Variants in GABRG3 observed in about 807,000 individuals in gnomAD.
The protein encoded by GABRG3 is gamma-aminobutyric acid receptor subunit gamma-3.
Under a neutral mutation model 48.8 loss-of-function variants are expected in GABRG3, and 25 were observed. That is an observed-to-expected ratio of 0.51 (90% CI 0.37 to 0.72). The LOEUF (loss-of-function observed/expected upper bound fraction) is 0.72. GABRG3 is among the 30% of genes least tolerant of loss of function. The pLI is 0.00. For missense variants in GABRG3, 394 were observed against 577.9 expected, an observed-to-expected ratio of 0.68 and a Z score of 3.26; for synonymous variants, 227 against 217.6, an observed-to-expected ratio of 1.04 and a Z score of -0.38.
Position 27,030,621 on chromosome 15 carries a change from C to T in GABRG3, c.270+3800C>T, listed in dbSNP as rs530193908. Among the ~76,000 whole-genome samples, 3 of 152,240 alleles carry T rather than the reference C, an allele frequency of 2.0e-5. No homozygotes were observed. In the South Asian group the frequency reaches 6.2e-4, roughly 32 times the overall value. ...ACCAGGAAAGCTGCATGCAAGGGGG[C>T]TTGTGAGTTTATTTTTGAGAATATC... is the stretch of plus-strand genomic sequence containing the variant. On this transcript the variant is annotated intron_variant, in intron 3 of 9. Transcript: ENST00000615808.
rs149435292 is a variant in GABRG3 at position 27,033,047 on chromosome 15, A to C, written c.270+6226A>C. On this transcript the variant is annotated intron_variant, in intron 3 of 9. Transcript: ENST00000615808. ...TGTTTTTTAACCTCTTATGTTGTAC[A>C]ACTTAGTCAGTAAATGTGTCGAGGA... Among the ~76,000 whole-genome samples the C allele has an allele frequency of 5.4e-3, 828 of 152,316 alleles. 5 individuals carry two copies. The highest frequency in any genetic ancestry group is 0.019 in the African/African-American group (794 of 41,568).
intron 2 of GABRG3, among the ~76,000 whole-genome samples, chr15:26,978,196 G>C (rs1162558933): frequency 6.6e-6 from 1 of 151,888 alleles, no homozygotes; most frequent in Non-Finnish European, 1.5e-5. Context: ...GGATTATTTG[G>C]TCTTATTTTA....
intron 3 of GABRG3, among the ~76,000 whole-genome samples, chr15:27,106,986 C>G (rs956660710): frequency 1.3e-5 from 2 of 152,024 alleles, no homozygotes; most frequent in Non-Finnish European, 2.9e-5. Context: ...CATACAGTCT[C>G]TTCAATTTTA....
intron 3 of GABRG3, among the ~76,000 whole-genome samples, chr15:27,037,531 G>A (rs1431720039): frequency 6.6e-6 from 1 of 152,174 alleles, no homozygotes; most frequent in Non-Finnish European, 1.5e-5. Context: ...GTGCTTATCT[G>A]GGAGGGAGAG....
At chr15:27,427,281 T>A (rs1292509458) in intron 5 of GABRG3, among the ~76,000 whole-genome samples, 1 of 152,166 alleles carries the variant, frequency 6.6e-6, no homozygotes, top group African/African-American at 2.4e-5. Context: ...TCTTAAAAAA[T>A]TTGAGGTATA....
intron 2 of GABRG3, among the ~76,000 whole-genome samples, chr15:26,990,768 T>G (rs1895232139): frequency 6.6e-6 from 1 of 152,034 alleles, no homozygotes; most frequent in Non-Finnish European, 1.5e-5. Context: ...GTTCCATATT[T>G]TAAGGTCTCG....
At chr15:26,980,908 A>T (rs1895042521) in intron 2 of GABRG3, among the ~76,000 whole-genome samples, 1 of 152,062 alleles carries the variant, frequency 6.6e-6, no homozygotes, top group South Asian at 2.1e-4. Context: ...AACAGCAGAC[A>T]CTGGGGTCTA....
At chr15:27,166,207 T>C (rs1299460607) in intron 3 of GABRG3, among the ~76,000 whole-genome samples, 2 of 151,218 alleles carry the variant, frequency 1.3e-5, no homozygotes, top group Non-Finnish European at 2.9e-5. Context: ...CTTTCTCAAC[T>C]AATATTCAGA....
intron 5 of GABRG3, among the ~76,000 whole-genome samples, chr15:27,438,006 G>A (rs1022481993): frequency 6.6e-6 from 1 of 152,264 alleles, no homozygotes; most frequent in Non-Finnish European, 1.5e-5. Flanking sequence ...ACATTCATGA[G>A]GGATCCATCC....
At chr15:27,085,031 A>T (rs1897053268) in intron 3 of GABRG3, among the ~76,000 whole-genome samples, 1 of 152,240 alleles carries the variant, frequency 6.6e-6, no homozygotes. Flanking sequence ...TTTTGGCAGT[A>T]TTCGTCAAGA....
intron 3 of GABRG3, among the ~76,000 whole-genome samples, chr15:27,121,675 C>T (rs938223246): frequency 3.3e-5 from 5 of 152,154 alleles, no homozygotes; most frequent in South Asian, 2.1e-4. Context: ...AAGGTCATAA[C>T]GCTAGAAAAT....
intron 3 of GABRG3, among the ~76,000 whole-genome samples, chr15:27,245,174 T>TG (rs1314169990): frequency 6.6e-6 from 1 of 151,770 alleles, no homozygotes; most frequent in East Asian, 1.9e-4. Flanking sequence ...GAAGGGGAGG[T>TG]GAGGCATAGC....
chr15:27,167,419 AATTAAAACCAAG>A (rs773271998), intron 3 of GABRG3, among the ~76,000 whole-genome samples: 7 of 152,232 alleles, frequency 4.6e-5, no homozygotes, highest in Non-Finnish European at 7.4e-5. Flanking sequence ...CAAAAACCAA[AATTAAAACCAAG>A]ATGTCCTGGC....
intron 3 of GABRG3, chr15:27,157,662 C>T (rs1005016023): frequency 2.0e-5 from 3 of 152,158 alleles, no homozygotes; most frequent in African/African-American, 7.2e-5. Flanking sequence ...ACCTCCTTAC[C>T]TATACACTGA....
At chr15:26,985,834 C>T (rs1438039781) in intron 2 of GABRG3, among the ~76,000 whole-genome samples, 2 of 152,162 alleles carry the variant, frequency 1.3e-5, no homozygotes, top group African/African-American at 4.8e-5. Context: ...TACAATAGTC[C>T]TTCATCCTGA....
intron 2 of GABRG3, among the ~76,000 whole-genome samples, chr15:27,021,493 C>T (rs1701265095): frequency 6.6e-6 from 1 of 152,118 alleles, no homozygotes; most frequent in South Asian, 2.1e-4. Flanking sequence ...CTTTTCTTCT[C>T]CACTACTGTA....
At chr15:27,422,207 T>C (rs1888141888) in intron 5 of GABRG3, among the ~76,000 whole-genome samples, 1 of 151,936 alleles carries the variant, frequency 6.6e-6, no homozygotes, top group South Asian at 2.1e-4. Context: ...TCCATGGGAA[T>C]GGGCTATAAA....
chr15:27,155,561 G>A (rs1267573535), intron 3 of GABRG3, among the ~76,000 whole-genome samples: 2 of 152,088 alleles, frequency 1.3e-5, no homozygotes, highest in Non-Finnish European at 2.9e-5. Context: ...CTGTTTTGGC[G>A]TTCTGCAACA....
chr15:27,157,163 C>A (rs1158570412), intron 3 of GABRG3, among the ~76,000 whole-genome samples: 1 of 152,142 alleles, frequency 6.6e-6, no homozygotes. Flanking sequence ...AATTCAATTG[C>A]TGCATGTCTG....
Sources: allele counts gnomAD v4.1 joint callset (sites outside exome capture counted in the v4.1 genomes callset), GRCh38; gene constraint gnomAD v4.1.1; transcripts MANE v1.5; gene names NCBI Gene and HGNC (gene_info 2026-07-23, HGNC 2026-07-21).